The following HSPA12A variants were observed in gnomAD, a reference collection of about 807,000 sequenced individuals.
HSPA12A encodes the protein heat shock 70 kDa protein 12A.
In HSPA12A, 28 loss-of-function variants were observed where a neutral mutation model predicts 69.2. The ratio of observed to expected loss-of-function variants is 0.40; its 90% CI spans 0.30 to 0.55. The LOEUF (loss-of-function observed/expected upper bound fraction) is 0.55, where lower values mean the gene tolerates loss of function less well. Among genes scored for constraint, HSPA12A ranks in the 20% least tolerant of loss-of-function variants. HSPA12A has a pLI of 0.38. For missense variants in HSPA12A, 686 were observed against 900.7 expected (o/e 0.76, Z 3.05); for synonymous variants, 345 against 370.5 (o/e 0.93, Z 0.79).
chr10:116,738,391 A>G (rs1851379008), intron 1 of HSPA12A, among the ~76,000 whole-genome samples: 1 of 152,186 alleles, frequency 6.6e-6, no homozygotes, highest in Admixed American at 6.5e-5. Context: ...AAAAAATGGA[A>G]ATGAAAGACA....
At position 116,742,488 on chromosome 10, in the gene HSPA12A, C is replaced by G. The variant is rs1338267149; in HGVS notation, c.-19G>C. ...CCGCCATGGTCGCGCAGCCCCGGAC[C>G]GCGAGGGGAGCCTCCAGCGCAGCGC... is the stretch of plus-strand genomic sequence containing the variant. On this transcript the variant is annotated 5_prime_UTR_variant, in exon 1 of 12. Coordinates refer to ENST00000369209, the MANE Select transcript of HSPA12A (RefSeq NM_025015.3). 2.5e-5 allele frequency: 33 copies of G among 1,339,736 alleles called. No individual in the cohort carries two copies. In the African/African-American group the frequency reaches 4.6e-4, roughly 19 times the overall value. The allele number at this position is 1,339,736 out of a possible 1,614,324, so 83.0% of individuals were successfully genotyped here. A position where few individuals can be genotyped will look rare whatever the true frequency, so the allele number is the denominator to read the frequency against.
intron 2 of HSPA12A, among the ~76,000 whole-genome samples, chr10:116,770,221 A>G (rs1844170297): frequency 3.3e-5 from 5 of 152,226 alleles, no homozygotes. Flanking sequence ...AAAACAGGGC[A>G]GGGGTCTCTG....
intron 1 of HSPA12A, among the ~76,000 whole-genome samples, chr10:116,848,942 T>C (rs1589741233): frequency 1.3e-5 from 2 of 152,264 alleles, no homozygotes; most frequent in Admixed American, 6.5e-5. Flanking sequence ...CTGGACATCA[T>C]AGCAGGCCCA....
chr10:116,765,480 T>TA (rs1176461050), intron 2 of HSPA12A, among the ~76,000 whole-genome samples: 1 of 151,898 alleles, frequency 6.6e-6, no homozygotes, highest in Non-Finnish European at 1.5e-5. Flanking sequence ...GAAAAAGGAA[T>TA]AATGGTAGTA....
chr10:116,773,349 C>G (rs1844257178), intron 2 of HSPA12A, among the ~76,000 whole-genome samples: 1 of 152,256 alleles, frequency 6.6e-6, no homozygotes. Flanking sequence ...AATTGCATTT[C>G]CTTCTCAGAA....
exon 1 of HSPA12A, chr10:116,849,721 AC>A: frequency 6.6e-7 from 1 of 1,525,200 alleles, no homozygotes; most frequent in Non-Finnish European, 8.8e-7. Flanking sequence ...GCCGACGTCT[AC>A]GGGCACCTGG....
chr10:116,745,415 C>A (rs1191393645), upstream of HSPA12A, among the ~76,000 whole-genome samples: 1 of 152,226 alleles, frequency 6.6e-6, no homozygotes, highest in African/African-American at 2.4e-5. Flanking sequence ...TCCAAAGACT[C>A]CTCCTCACAG....
At chr10:116,694,342 C>G (rs1305800803) in intron 5 of HSPA12A, among the ~76,000 whole-genome samples, 1 of 152,202 alleles carries the variant, frequency 6.6e-6, no homozygotes, top group Non-Finnish European at 1.5e-5. Flanking sequence ...CTCCAGCCAG[C>G]CCCTGGCAAG....
chr10:116,779,145 A>G lies in HSPA12A; in HGVS notation c.91+55790T>C, dbSNP rs377747801. 4.1e-4 allele frequency among the ~76,000 whole-genome samples: 62 copies of G among 152,310 alleles called. No individual in the cohort carries two copies. The East Asian group carries it at 8.9e-3, about 22-fold the overall frequency. On this transcript the variant is annotated intron_variant, in intron 2 of 12. Transcript: ENST00000635765. ...GGTTTCCAAGCCCTCCAGGGCCTTC[A>G]TCGGCAGTTGCTTCCCTTCGCAACA... is the stretch of plus-strand genomic sequence containing the variant.
chr10:116,679,687 T>C lies in HSPA12A; in HGVS notation c.1102A>G (p.Ile368Val). The part of the protein sequence containing the change: ...LLYKIFGEDF[I>V]EQFKIKRPAA... ...GGGCGTTTGATTTTGAATTGTTCAA[T>C]AAAATCCTCTCCAAATATTTTATAC... The change falls in exon 10 of 12, where the codon ATT becomes GTT. Residue 368 changes from isoleucine to valine, a missense_variant. Physicochemically the swap from Ile to Val is conservative, Grantham distance 29. Transcript: ENST00000369209. The C allele has an allele frequency of 1.2e-6, 2 of 1,614,252 alleles. No individual in the cohort carries two copies. Among genetic ancestry groups the C allele is most frequent in the Non-Finnish European group, 1.7e-6 (2 of 1,180,044 alleles).
At chr10:116,706,604 G>T (rs1338559817) in intron 2 of HSPA12A, among the ~76,000 whole-genome samples, 3 of 152,140 alleles carry the variant, frequency 2.0e-5, no homozygotes, top group Admixed American at 2.0e-4. Flanking sequence ...CAGGTTGGCT[G>T]CCTGTGCATC....
upstream of HSPA12A, among the ~76,000 whole-genome samples, chr10:116,744,653 C>A (rs1851608447): frequency 6.6e-6 from 1 of 152,242 alleles, no homozygotes; most frequent in African/African-American, 2.4e-5. Context: ...GCCCTCACGG[C>A]CTTCATGCTC....
chr10:116,742,118 G>A (rs1419715187), intron 1 of HSPA12A, among the ~76,000 whole-genome samples: 3 of 151,996 alleles, frequency 2.0e-5, no homozygotes, highest in Non-Finnish European at 4.4e-5. Context: ...CCGCACGCGC[G>A]ACCAGCCCCG....
Position 116,752,430 on chromosome 10 carries a change from T to C in HSPA12A, c.92-45145A>G, listed in dbSNP as rs947448830. 1.1e-4 allele frequency among the ~76,000 whole-genome samples: 16 copies of C among 152,204 alleles called. No individual in the cohort carries two copies. The South Asian group carries it at 1.2e-3, about 12-fold the overall frequency. On this transcript the variant is annotated intron_variant, in intron 2 of 12. Transcript: ENST00000635765. ...TATTCTCATTCAGCCTCTCTCTCAC[T>C]TATTCATCCTATCCGTCAATCATTC...
intron 2 of HSPA12A, among the ~76,000 whole-genome samples, chr10:116,806,674 A>C (rs1027440558): frequency 9.2e-5 from 14 of 152,206 alleles, no homozygotes; most frequent in African/African-American, 3.4e-4. Flanking sequence ...GCAGATATGC[A>C]AAGGTGCCCT....
At chr10:116,806,714 G>A (rs1235005291) in intron 2 of HSPA12A, among the ~76,000 whole-genome samples, 1 of 152,188 alleles carries the variant, frequency 6.6e-6, no homozygotes, top group Non-Finnish European at 1.5e-5. Flanking sequence ...CCCTCGTTCC[G>A]AGAGGCCATT....
chr10:116,737,453 C>G (rs987572877), intron 1 of HSPA12A, among the ~76,000 whole-genome samples: 1 of 152,204 alleles, frequency 6.6e-6, no homozygotes, highest in African/African-American at 2.4e-5. Flanking sequence ...CCAGGTTTAC[C>G]TGCACACCCT....
intron 2 of HSPA12A, among the ~76,000 whole-genome samples, chr10:116,825,201 T>A (rs1336837755): frequency 1.6e-4 from 21 of 134,354 alleles, no homozygotes; most frequent in East Asian, 4.3e-4. Flanking sequence ...AAAAAAAAAA[T>A]AAGTAAATTT....
chr10:116,803,614 G>A (rs1274767276), intron 2 of HSPA12A, among the ~76,000 whole-genome samples: 1 of 152,210 alleles, frequency 6.6e-6, no homozygotes, highest in Non-Finnish European at 1.5e-5. Flanking sequence ...TTCCACCAGA[G>A]AAGGCCCTTC....
Sources: allele counts gnomAD v4.1 joint callset (sites outside exome capture counted in the v4.1 genomes callset), GRCh38; gene constraint gnomAD v4.1.1; transcripts MANE v1.5; gene names NCBI Gene and HGNC (gene_info 2026-07-23, HGNC 2026-07-21).